Variants in CLSPN observed in about 807,000 individuals in gnomAD.
CLSPN encodes claspin, also known as claspin homolog.
CLSPN carries 85 observed loss-of-function variants against 156.3 expected under a neutral mutation model. The ratio of observed to expected loss-of-function variants is 0.54; its 90% CI spans 0.46 to 0.65. The LOEUF is 0.65. CLSPN is among the 30% of genes least tolerant of loss of function. The pLI, the probability that CLSPN is intolerant of heterozygous loss-of-function variation, is 0.00. For synonymous variants in CLSPN, 534 were observed against 542.4 expected, an observed-to-expected ratio of 0.98 and a Z score of 0.22; for missense variants, 1,407 against 1,554.9, an observed-to-expected ratio of 0.90 and a Z score of 1.60.
chr1:35,768,636 G>C (rs983428130), intron 1 of CLSPN, among the ~76,000 whole-genome samples: 2 of 151,116 alleles, frequency 1.3e-5, no homozygotes, highest in Admixed American at 6.6e-5. Context: ...GGCTGGTTTC[G>C]AACTCTTGAG....
In CLSPN at chr1:35,735,364, A is replaced by G. The variant is rs1641429734; in HGVS notation, c.*1132T>C. 1 of 985,346 alleles carries G rather than the reference A, an allele frequency of 1.0e-6. No individual in the cohort carries two copies. The highest frequency in any genetic ancestry group is 1.7e-5 in the African/African-American group (1 of 57,256). The allele number at this position is 985,346 out of a possible 1,614,324, so 61.0% of individuals were successfully genotyped here. ...AAGCATACAGGAAAATGAAAGGGGT[A>G]AGAGTAATACAGCAGCCCATCTGTT... On this transcript the variant is annotated 3_prime_UTR_variant, in exon 25 of 25. Transcript: ENST00000318121.
intron 9 of CLSPN, among the ~76,000 whole-genome samples, chr1:35,752,205 A>G (rs146919624): frequency 2.4e-4 from 36 of 152,318 alleles, no homozygotes; most frequent in African/African-American, 8.7e-4. Flanking sequence ...CAACTGGAAC[A>G]AACAAGACAT....
At chr1:35,768,189 A>C (rs1642735676) in intron 1 of CLSPN, among the ~76,000 whole-genome samples, 1 of 152,022 alleles carries the variant, frequency 6.6e-6, no homozygotes, top group Non-Finnish European at 1.5e-5. Context: ...CCAATACAGT[A>C]AAACCCCGTA....
Position 35,735,362 on chromosome 1 carries a change from G to A in CLSPN, c.*1134C>T, listed in dbSNP as rs1641429656. On this transcript the variant is annotated 3_prime_UTR_variant, in exon 25 of 25. Transcript: ENST00000318121. ...AGAAGCATACAGGAAAATGAAAGGGGTAAGAGTAATACAGCAGCCCATCTG... is the reference window on the plus strand; with the variant it reads ...AGAAGCATACAGGAAAATGAAAGGGATAAGAGTAATACAGCAGCCCATCTG... The A allele has an allele frequency of 6.1e-6, 6 of 985,408 alleles. No homozygotes were observed. The highest frequency in any genetic ancestry group is 6.0e-6 in the Non-Finnish European group (5 of 829,918). 61.0% of individuals were successfully genotyped at this position (985,408 alleles called of 1,614,324 possible). A position where few individuals can be genotyped will look rare whatever the true frequency, so the allele number is the denominator to read the frequency against.
At chr1:35,752,885 T>C (rs1401985755) in intron 9 of CLSPN, among the ~76,000 whole-genome samples, 3 of 152,140 alleles carry the variant, frequency 2.0e-5, no homozygotes, top group African/African-American at 7.2e-5. Context: ...TGGATAAAAA[T>C]ACTCCTATAA....
At chr1:35,749,194 AC>A (rs1641999015) in intron 12 of CLSPN, among the ~76,000 whole-genome samples, 1 of 152,152 alleles carries the variant, frequency 6.6e-6, no homozygotes, top group Non-Finnish European at 1.5e-5. Context: ...AATCAATTAT[AC>A]GTCTTCCTTT....
chr1:35,725,215 G>A (rs1463536693), intron 24 of CLSPN, among the ~76,000 whole-genome samples: 2 of 152,166 alleles, frequency 1.3e-5, no homozygotes, highest in African/African-American at 4.8e-5. Flanking sequence ...TCCTCCCCCT[G>A]TCCCCAACAC....
rs530624117 is a variant in CLSPN, at chr1:35,754,512, T to A, written c.1580-576A>T. Among the ~76,000 whole-genome samples, 123 of 152,140 alleles carry A rather than the reference T, an allele frequency of 8.1e-4. 1 individual carries two copies. Among genetic ancestry groups the A allele is most frequent in the African/African-American group, 2.9e-3 (121 of 41,520 alleles). Reference sequence around the variant, plus strand: ...GGTGAGCACCACCATGCCCAGCTAATTTTTTTGTATTTTTAGTAGAGACAG... The same window carrying A: ...GGTGAGCACCACCATGCCCAGCTAAATTTTTTGTATTTTTAGTAGAGACAG... On this transcript the variant is annotated intron_variant, in intron 8 of 24. Coordinates refer to ENST00000318121, the MANE Select transcript of CLSPN (RefSeq NM_022111.4).
intron 16 of CLSPN, 62 bp from the exon 17 acceptor site, chr1:35,743,592 C>A: frequency 7.3e-7 from 1 of 1,366,400 alleles, no homozygotes. Context: ...AGTAGTCAGC[C>A]AAGTTATGAA....
intron 8 of CLSPN, among the ~76,000 whole-genome samples, chr1:35,759,682 C>G (rs1642405562): frequency 6.6e-6 from 1 of 152,128 alleles, no homozygotes; most frequent in African/African-American, 2.4e-5. Context: ...CAGTAAAAAA[C>G]TAAATGATGT....
At position 35,764,442 on chromosome 1, in the gene CLSPN, G is replaced by A; in HGVS notation, c.406C>T (p.Leu136Phe). Residue 136 changes from leucine to phenylalanine, a missense_variant, in exon 3 of 25, where the codon CTT becomes TTT. Transcript: ENST00000318121. ...AQVKPCLELS[L>F]QSGNSTDFTT... ...AAGTCTGTAGAGTTTCCAGACTGAA[G>A]ACTCAGCTCTAAGCAAGGTTTCACT... The A allele has an allele frequency of 6.2e-7, 1 of 1,614,108 alleles. No homozygotes were observed. Among genetic ancestry groups the A allele is most frequent in the Non-Finnish European group, 8.5e-7 (1 of 1,180,002 alleles).
intron 24 of CLSPN, among the ~76,000 whole-genome samples, chr1:35,722,831 A>G (rs941573887): frequency 1.3e-5 from 2 of 151,520 alleles, no homozygotes; most frequent in Non-Finnish European, 2.9e-5. Context: ...GGGTTTCACT[A>G]TGTTGCCCAG....
chr1:35,748,315 G>A (rs780973965), intron 13 of CLSPN, 90 bp downstream of exon 13: 22 of 1,225,948 alleles, frequency 1.8e-5, no homozygotes, highest in Middle Eastern at 2.3e-4. Flanking sequence ...CAGTACCAAC[G>A]TGGTGGGAGT....
Position 35,769,944 on chromosome 1 carries a change from C to A in CLSPN, c.-74G>T. ...CCCTCAGCCGGAGAGCAGCGGCTCC[C>A]GCCGTCTCCAGCCCAGCAGTGCTGT... is the stretch of plus-strand genomic sequence containing the variant. On this transcript the variant is annotated 5_prime_UTR_variant, in exon 1 of 25. Coordinates refer to ENST00000318121, the MANE Select transcript of CLSPN (RefSeq NM_022111.4). 1 of 1,558,044 alleles carries A rather than the reference C, an allele frequency of 6.4e-7. No homozygotes were observed. Among genetic ancestry groups the A allele is most frequent in the Non-Finnish European group, 8.8e-7 (1 of 1,138,958 alleles).
intron 14 of CLSPN, 109 bp from the exon 15 acceptor site, chr1:35,747,101 T>G (rs1320085365): frequency 9.4e-6 from 7 of 740,854 alleles, no homozygotes. Flanking sequence ...GGCGGGCGGA[T>G]CACGAGGTCA....
In CLSPN at chr1:35,736,911, T is replaced by C; in HGVS notation, c.3909+3A>G. On this transcript the variant is annotated splice_donor_region_variant and intron_variant, in intron 24 of 24. Coordinates refer to ENST00000318121, the MANE Select transcript of CLSPN (RefSeq NM_022111.4). ...CCACCATATTAGTTCTCAAATTCCA[T>C]ACCTGAGACTTAGACGATTCCTTTG... 2.5e-6 allele frequency: 4 copies of C among 1,612,344 alleles called. No homozygotes were observed. The highest frequency in any genetic ancestry group is 3.4e-6 in the Non-Finnish European group (4 of 1,179,330).
In CLSPN at chr1:35,738,782, A is replaced by G. The variant is rs1641575710; in HGVS notation, c.3431-200T>C. Among the ~76,000 whole-genome samples the G allele has an allele frequency of 1.4e-5, 2 of 148,008 alleles. 1 individual carries two copies. The highest frequency in any genetic ancestry group is 4.3e-4 in the South Asian group (2 of 4,700). ...ATTTGCCATCTGAAACTCGACAAAT[A>G]TGCATTGTAACTGTTTGCTTTTTTT... is the stretch of plus-strand genomic sequence containing the variant. On this transcript the variant is annotated intron_variant, in intron 20 of 24. Coordinates refer to ENST00000318121, the MANE Select transcript of CLSPN (RefSeq NM_022111.4).
In CLSPN at chr1:35,746,938, C is replaced by A; in HGVS notation, c.2682G>T (p.Leu894Phe). ...RNQYQALKPR[L>F]PLASMDENAM... is the part of the protein sequence containing the mutation. The stretch of plus-strand genomic sequence containing the variant: ...CATTCTCATCCATACTGGCCAATGG[C>A]AATCGAGGCTTCAAAGCTTGGTACT... The change falls in exon 15 of 25, where the codon TTG (leucine) becomes TTT (phenylalanine). Residue 894 changes from leucine to phenylalanine, a missense_variant. Leu to Phe is a conservative substitution (Grantham distance 22, BLOSUM62 0). This residue lies in a region of CLSPN where 1,096 missense variants were observed against 1,193.0 expected (regional missense o/e 0.92). Transcript: ENST00000318121. The surrounding 1 kb of genome is among the most constrained non-coding windows in gnomAD (Gnocchi z 4.2). 6.2e-7 allele frequency: 1 copy of A among 1,614,190 alleles called. No individual in the cohort carries two copies. Among genetic ancestry groups the A allele is most frequent in the Non-Finnish European group, 8.5e-7 (1 of 1,180,022 alleles).
At chr1:35,738,853 T>C (rs1641582402) in intron 20 of CLSPN, among the ~76,000 whole-genome samples, 1 of 146,886 alleles carries the variant, frequency 6.8e-6, no homozygotes, top group Non-Finnish European at 1.5e-5. Flanking sequence ...CAGGCTGGAG[T>C]GCAATGGCAT....
Sources: gnomAD v4.1 joint callset for allele counts (sites outside exome capture counted in the v4.1 genomes callset) on GRCh38, gnomAD v4.1.1 for gene constraint, gnomAD v4.1.1 regional missense constraint, Gnocchi (gnomAD v3.1) non-coding constraint, MANE v1.5 for transcripts, NCBI Gene and HGNC (gene_info 2026-07-23, HGNC 2026-07-21) for gene names.